The following ZNF534 variants were observed in gnomAD, a reference collection of about 807,000 sequenced individuals.
ZNF534 encodes the protein KRAB domain only 3.
Under a neutral mutation model 13.6 loss-of-function variants are expected in ZNF534, and 19 were observed. The observed-to-expected ratio is 1.40, with a 90% CI of 0.97 to 2.05. ZNF534 has a LOEUF of 2.05. ZNF534 is among the 30% of genes most tolerant of loss of function. The pLI is 0.00. For synonymous variants in ZNF534, 244 were observed against 273.8 expected, an observed-to-expected ratio of 0.89 and a Z score of 1.07; for missense variants, 782 against 796.3, an observed-to-expected ratio of 0.98 and a Z score of 0.22.
In ZNF534 at chr19:52,438,712, G is replaced by A. The variant is rs2056062726; in HGVS notation, c.1252G>A (p.Ala418Thr). Reference protein sequence around the residue: ...RRYKCNECGKAFRTCSDLTAH... With the variant: ...RRYKCNECGKTFRTCSDLTAH... Reference sequence around the variant, plus strand: ...TTACAAATGTAATGAATGTGGCAAAGCATTTAGAACGTGTTCAGATCTCAC... The same window carrying A: ...TTACAAATGTAATGAATGTGGCAAAACATTTAGAACGTGTTCAGATCTCAC... Residue 418 changes from alanine (A) to threonine (T), a missense_variant, in exon 5 of 5, where the codon GCA (alanine) becomes ACA (threonine). By Grantham distance (58) the Ala-to-Thr change is moderately conservative. This residue lies in a region of ZNF534 where 591 missense variants were observed against 574.0 expected (regional missense o/e 1.03). Coordinates refer to ENST00000433050, the MANE Select transcript of ZNF534 (RefSeq NM_001143938.3). 2.5e-6 allele frequency: 4 copies of A among 1,586,410 alleles called. No individual in the cohort carries two copies. Among genetic ancestry groups the A allele is most frequent in the Non-Finnish European group, 3.4e-6 (4 of 1,165,514 alleles).
chr19:52,438,109 A>G lies in ZNF534; in HGVS notation c.649A>G (p.Ser217Gly), dbSNP rs780189432. 2.5e-6 allele frequency: 4 copies of G among 1,614,174 alleles called. No individual in the cohort carries two copies. Among genetic ancestry groups the G allele is most frequent in the Non-Finnish European group, 3.4e-6 (4 of 1,180,014 alleles). ...CATTGCAGATAAAACTTACAAATGT[A>G]GTGACTGTGGCGAGATCTTTAGTAG... ...IHIADKTYKC[S>G]DCGEIFSSNS... is the part of the protein sequence containing the mutation. The change falls in exon 5 of 5, where the codon AGT becomes GGT. Residue 217 changes from serine to glycine, a missense_variant. Around this residue, in one of 5 missense-constraint regions of ZNF534, gnomAD observed 591 missense variants for 574.0 expected, o/e 1.03. Coordinates refer to ENST00000433050, the MANE Select transcript of ZNF534 (RefSeq NM_001143938.3).
At chr19:52,451,612 TTA>T in exon 5 of ZNF534, 1 of 638,238 alleles carries the variant, frequency 1.6e-6, no homozygotes, top group East Asian at 2.7e-5. Context: ...GTGCCTGTGA[TTA>T]CACACCACCA....
At chr19:52,437,468 G>T (rs1455426463) in intron 4 of ZNF534, among the ~76,000 whole-genome samples, 2 of 152,034 alleles carry the variant, frequency 1.3e-5, no homozygotes, top group South Asian at 2.1e-4. Flanking sequence ...AATAAAAAAA[G>T]TTAGCCAGGC....
intron 1 of ZNF534, among the ~76,000 whole-genome samples, chr19:52,429,721 G>T (rs141757111): frequency 1.3e-4 from 20 of 151,640 alleles, no homozygotes; most frequent in Admixed American, 6.6e-4. Flanking sequence ...TGGGCCTCCC[G>T]AGTAGCTGGG....
At chr19:52,436,467 G>A (rs28843769) in intron 4 of ZNF534, among the ~76,000 whole-genome samples, 5,493 of 152,180 alleles carry the variant, frequency 0.036, 338 homozygotes, top group African/African-American at 0.12. Context: ...CAAGCTTCTT[G>A]AATTTGTATA....
intron 1 of ZNF534, among the ~76,000 whole-genome samples, chr19:52,429,783 T>TG (rs1453945215): frequency 6.6e-6 from 1 of 151,554 alleles, no homozygotes; most frequent in East Asian, 2.0e-4. Context: ...TTAGTAGAGA[T>TG]GGGGTTTCAC....
downstream of ZNF534, among the ~76,000 whole-genome samples, chr19:52,443,932 G>A (rs1255073224): frequency 6.6e-6 from 1 of 151,794 alleles, no homozygotes; most frequent in Non-Finnish European, 1.5e-5. Flanking sequence ...CTCATTTATT[G>A]TATCATTTTA....
chr19:52,442,925 T>A (rs1006105447), downstream of ZNF534, among the ~76,000 whole-genome samples: 1 of 152,222 alleles, frequency 6.6e-6, no homozygotes, highest in Non-Finnish European at 1.5e-5. Flanking sequence ...TACTGCCCAC[T>A]CTTTTCTTGA....
chr19:52,449,130 A>G (rs1164697983), intron 4 of ZNF534, among the ~76,000 whole-genome samples: 2 of 152,158 alleles, frequency 1.3e-5, no homozygotes, highest in Admixed American at 1.3e-4. Flanking sequence ...GGTTTATTTT[A>G]TTTAACATAA....
intron 2 of ZNF534, 105 bp downstream of exon 2, chr19:52,431,594 T>G: frequency 7.0e-7 from 1 of 1,435,062 alleles, no homozygotes. Context: ...CTGACTCATT[T>G]CATTGCACTT....
rs180984322 is a variant in ZNF534, at chr19:52,433,222, G to A, written c.16-733G>A. Among the ~76,000 whole-genome samples, 483 of 96,182 alleles carry A rather than the reference G, an allele frequency of 5.0e-3. 3 individuals are homozygous for A. The highest frequency in any genetic ancestry group is 0.018 in the African/African-American group (464 of 25,688). 63.1% of individuals were successfully genotyped at this position (96,182 alleles called of 152,430 possible). On this transcript the variant is annotated intron_variant, in intron 2 of 4. Transcript: ENST00000433050. Reference sequence around the variant, plus strand: ...CCCCTGCACTCCAGTCTGGGAAACAGTAAGATCCTATCTCAAAAAAAAAAA... The same window carrying A: ...CCCCTGCACTCCAGTCTGGGAAACAATAAGATCCTATCTCAAAAAAAAAAA...
chr19:52,433,257 AAAAG>A (rs1332379819), intron 2 of ZNF534, among the ~76,000 whole-genome samples: 20 of 151,236 alleles, frequency 1.3e-4, no homozygotes, highest in African/African-American at 4.1e-4. Flanking sequence ...AAAAAAAAAA[AAAAG>A]AAAGAAAGCA....
At chr19:52,449,586 T>C (rs1473686788) in intron 4 of ZNF534, among the ~76,000 whole-genome samples, 5 of 152,194 alleles carry the variant, frequency 3.3e-5, no homozygotes, top group African/African-American at 4.8e-5. Flanking sequence ...GAGATGACAT[T>C]ATATCTCACT....
In ZNF534 at chr19:52,441,951, T is replaced by G. The variant is rs1344843390; in HGVS notation, c.*2505T>G. Among the ~76,000 whole-genome samples the G allele has an allele frequency of 6.6e-6, 1 of 152,208 alleles. No individual in the cohort carries two copies. Among genetic ancestry groups the G allele is most frequent in the Non-Finnish European group, 1.5e-5 (1 of 68,038 alleles). ...GGAAAGCTCGTCATGAGTTTTAGCATTAATGAACATCAGAGGTTCCATACT... is the reference window on the plus strand; with the variant it reads ...GGAAAGCTCGTCATGAGTTTTAGCAGTAATGAACATCAGAGGTTCCATACT... On this transcript the variant is annotated 3_prime_UTR_variant, in exon 5 of 5. Coordinates refer to ENST00000433050, the MANE Select transcript of ZNF534 (RefSeq NM_001143938.3).
exon 5 of ZNF534, chr19:52,451,638 C>T (rs944554336): frequency 3.1e-5 from 20 of 650,994 alleles, no homozygotes; most frequent in African/African-American, 2.8e-4. Flanking sequence ...ATGGAGAAGG[C>T]TCTTGTGAAA....
exon 5 of ZNF534, chr19:52,451,853 C>A: frequency 1.3e-6 from 1 of 761,954 alleles, no homozygotes; most frequent in Non-Finnish European, 2.2e-6. Flanking sequence ...CATTTGTGAA[C>A]GGATTTTTTA....
chr19:52,446,594 G>A (rs2561019), downstream of ZNF534, among the ~76,000 whole-genome samples: 1 of 152,064 alleles, frequency 6.6e-6, no homozygotes, highest in East Asian at 1.9e-4. Context: ...GTGGTGGCTC[G>A]TGCCTGTAAC....
chr19:52,445,266 C>T (rs903495920), downstream of ZNF534, among the ~76,000 whole-genome samples: 2 of 151,720 alleles, frequency 1.3e-5, no homozygotes, highest in Non-Finnish European at 2.9e-5. Flanking sequence ...GTGCAGTCTC[C>T]GATCACTGCA....
intron 4 of ZNF534, 116 bp from the exon 5 acceptor site, chr19:52,437,616 A>T (rs186502941): frequency 6.3e-6 from 7 of 1,107,250 alleles, no homozygotes; most frequent in Non-Finnish European, 8.8e-6. Context: ...CTCAATAAAA[A>T]CAAAGTATGC....
Sources: allele counts gnomAD v4.1 joint callset (sites outside exome capture counted in the v4.1 genomes callset), GRCh38; gene constraint gnomAD v4.1.1; regional missense constraint gnomAD v4.1.1; transcripts MANE v1.5; gene names NCBI Gene and HGNC (gene_info 2026-07-23, HGNC 2026-07-21).